Variants in SLC35F5 observed in about 807,000 individuals in gnomAD.
SLC35F5 encodes HCV NS5A-transactivated protein 3.
A neutral mutation model predicts 68.6 loss-of-function variants in SLC35F5; 54 were observed. That is an observed-to-expected ratio of 0.79 (90% confidence interval 0.63 to 0.99). The LOEUF (loss-of-function observed/expected upper bound fraction) is 0.99. Ranked by LOEUF, SLC35F5 falls within the 50% of genes least tolerant of loss-of-function variation. SLC35F5 has a pLI of 0.00. For missense variants in SLC35F5, 567 were observed against 626.9 expected (o/e 0.90, Z 1.02); for synonymous variants, 211 against 205.2 (o/e 1.03, Z -0.24).
intron 15 of SLC35F5, among the ~76,000 whole-genome samples, chr2:113,716,917 T>C (rs1687203922): frequency 6.6e-6 from 1 of 152,168 alleles, no homozygotes; most frequent in Non-Finnish European, 1.5e-5. Flanking sequence ...AAACTTAACC[T>C]TCAAGCCTAA....
rs140637631 is a variant in SLC35F5 at position 113,710,036 on chromosome 2, G to A, written c.*5182C>T. On this transcript the variant is annotated 3_prime_UTR_variant, in exon 16 of 16. Transcript: ENST00000245680. Reference sequence around the variant, plus strand: ...TTGCTGTATTGCCCAGCCTGATCTTGAACTCCTGGGCTCACGTGATCCTCC... The same window carrying A: ...TTGCTGTATTGCCCAGCCTGATCTTAAACTCCTGGGCTCACGTGATCCTCC... Among the ~76,000 whole-genome samples, 542 of 152,104 alleles carry A rather than the reference G, an allele frequency of 3.6e-3. 1 individual carries two copies. Among genetic ancestry groups the A allele is most frequent in the Non-Finnish European group, 5.4e-3 (365 of 67,986 alleles).
intron 13 of SLC35F5, among the ~76,000 whole-genome samples, chr2:113,722,218 G>A (rs1178792530): frequency 1.3e-5 from 2 of 151,902 alleles, no homozygotes; most frequent in African/African-American, 4.8e-5. Flanking sequence ...CAAGTGATCT[G>A]CCTGCCTCGG....
In SLC35F5 at chr2:113,737,347, C is replaced by T. The variant is rs547715899; in HGVS notation, c.751-1489G>A. 4.6e-5 allele frequency among the ~76,000 whole-genome samples: 7 copies of T among 152,286 alleles called. No individual in the cohort carries two copies. In the East Asian group the frequency reaches 7.7e-4, roughly 17 times the overall value. ...TAAAGCCAGAATGAAACTGTGGCAA[C>T]GTGGTTCTGATTCCATCTGCAATCC... On this transcript the variant is annotated intron_variant, in intron 7 of 15. Transcript: ENST00000245680.
intron 13 of SLC35F5, among the ~76,000 whole-genome samples, chr2:113,722,055 A>C (rs1437135393): frequency 1.4e-5 from 2 of 144,560 alleles, no homozygotes; most frequent in East Asian, 2.0e-4. Flanking sequence ...GCTCACTGCA[A>C]CCTCCGCCTC....
chr2:113,743,802 GT>G lies in SLC35F5; in HGVS notation c.481-9del. 1 of 1,581,288 alleles carries G rather than the reference GT, an allele frequency of 6.3e-7. No homozygotes were observed. Among genetic ancestry groups the G allele is most frequent in the Non-Finnish European group, 8.6e-7 (1 of 1,162,914 alleles). On this transcript the variant is annotated splice_polypyrimidine_tract_variant and intron_variant, in intron 5 of 15. Transcript: ENST00000245680. ...CACATACAGAGGTTCACTCTGGAAT[GT>G]AACAGAAAAAAATATAAACAACAAA...
chr2:113,729,087 A>G (rs1343361096), intron 11 of SLC35F5, among the ~76,000 whole-genome samples: 2 of 152,258 alleles, frequency 1.3e-5, no homozygotes, highest in Admixed American at 1.3e-4. Flanking sequence ...AAACTCTCAC[A>G]TGCTTGTAAG....
At chr2:113,725,675 T>C in intron 11 of SLC35F5, 138 bp from the exon 12 acceptor site, 1 of 733,878 alleles carries the variant, frequency 1.4e-6, no homozygotes, top group South Asian at 2.1e-5. Flanking sequence ...GTTGGTTTGT[T>C]TTTAAGTCAG....
chr2:113,719,179 T>C lies in SLC35F5; in HGVS notation c.1471A>G (p.Ile491Val). ...MVGIRRIFAFICRKHRIQRVP... is the reference protein window; with the variant it reads ...MVGIRRIFAFVCRKHRIQRVP... ...CTCTGAATTCGATGTTTTCTGCATATAAAAGCAAATATTCTTCTGATTCCC... is the reference window on the plus strand; with the variant it reads ...CTCTGAATTCGATGTTTTCTGCATACAAAAGCAAATATTCTTCTGATTCCC... The change falls in exon 14 of 16, where the codon ATA becomes GTA. Residue 491 changes from isoleucine to valine, a missense_variant. Physicochemically the swap from Ile to Val is conservative, Grantham distance 29. Transcript: ENST00000245680. 6.2e-7 allele frequency: 1 copy of C among 1,607,234 alleles called. No individual in the cohort carries two copies. The highest frequency in any genetic ancestry group is 8.5e-7 in the Non-Finnish European group (1 of 1,178,702).
intron 10 of SLC35F5, among the ~76,000 whole-genome samples, chr2:113,729,796 A>T (rs1687813506): frequency 6.6e-6 from 1 of 152,192 alleles, no homozygotes; most frequent in Non-Finnish European, 1.5e-5. Flanking sequence ...ATACAACTCC[A>T]AAGTAACACT....
intron 1 of SLC35F5, chr2:113,755,931 C>A: frequency 6.4e-7 from 1 of 1,550,466 alleles, no homozygotes; most frequent in Non-Finnish European, 8.7e-7. Context: ...TGTCCCTGAT[C>A]TGCTGGAGTG....
At position 113,706,818 on chromosome 2, in the gene SLC35F5, A is replaced by G. The variant is rs552685233; in HGVS notation, c.*8400T>C. On this transcript the variant is annotated 3_prime_UTR_variant, in exon 16 of 16. Coordinates refer to ENST00000245680, the MANE Select transcript of SLC35F5 (RefSeq NM_025181.5). ...GTACTTTTAATGAGCTAGAAAATGCATACTATAAATAGAATATACAAATGA... is the reference window on the plus strand; with the variant it reads ...GTACTTTTAATGAGCTAGAAAATGCGTACTATAAATAGAATATACAAATGA... Among the ~76,000 whole-genome samples, 2 of 152,366 alleles carry G rather than the reference A, an allele frequency of 1.3e-5. No individual in the cohort carries two copies. The highest frequency in any genetic ancestry group is 1.3e-4 in the Admixed American group (2 of 15,304).
intron 4 of SLC35F5, among the ~76,000 whole-genome samples, chr2:113,748,066 T>C (rs955334085): frequency 1.3e-5 from 2 of 152,194 alleles, no homozygotes; most frequent in Non-Finnish European, 2.9e-5. Flanking sequence ...CACTCTAGCC[T>C]GGACAAGAGA....
chr2:113,730,070 A>C (rs898704125), intron 10 of SLC35F5, among the ~76,000 whole-genome samples: 7 of 152,162 alleles, frequency 4.6e-5, no homozygotes, highest in African/African-American at 1.4e-4. Context: ...GACAATACTT[A>C]CTATTGTCAA....
At chr2:113,725,300 GCAAA>G in intron 12 of SLC35F5, 74 bp downstream of exon 12, 1 of 1,397,152 alleles carries the variant, frequency 7.2e-7, no homozygotes, top group South Asian at 1.3e-5. Context: ...AGGGCCACCA[GCAAA>G]CAGACAAATA....
chr2:113,718,925 G>GA (rs377141920), intron 14 of SLC35F5, among the ~76,000 whole-genome samples: 1 of 56,686 alleles, frequency 1.8e-5, no homozygotes, highest in African/African-American at 5.9e-5. Context: ...AAGAAAGAAA[G>GA]AAAAAGAAAG....
Position 113,756,616 on chromosome 2 carries a change from G to C in SLC35F5, c.-207C>G, listed in dbSNP as rs1677006260. The C allele has an allele frequency of 4.5e-6, 6 of 1,342,688 alleles. No individual in the cohort carries two copies. Among genetic ancestry groups the C allele is most frequent in the Non-Finnish European group, 5.8e-6 (6 of 1,029,936 alleles). The allele number at this position is 1,342,688 out of a possible 1,614,324, so 83.2% of individuals were successfully genotyped here. A position where few individuals can be genotyped will look rare whatever the true frequency, so the allele number is the denominator to read the frequency against. On this transcript the variant is annotated 5_prime_UTR_variant, in exon 1 of 16. Transcript: ENST00000245680. Reference sequence around the variant, plus strand: ...GTGAGGGGAAGGGACGGCACAGTCAGCTATGGCCGCGGAGGCCCGGAGATC... The same window carrying C: ...GTGAGGGGAAGGGACGGCACAGTCACCTATGGCCGCGGAGGCCCGGAGATC...
At position 113,707,398 on chromosome 2, in the gene SLC35F5, T is replaced by C. The variant is rs1465619541; in HGVS notation, c.*7820A>G. 1.3e-5 allele frequency among the ~76,000 whole-genome samples: 2 copies of C among 152,196 alleles called. No individual in the cohort carries two copies. Among genetic ancestry groups the C allele is most frequent in the Non-Finnish European group, 2.9e-5 (2 of 68,038 alleles). On this transcript the variant is annotated 3_prime_UTR_variant, in exon 16 of 16. Transcript: ENST00000245680. ...TGACACTAGATAACTTCAGCTTTAT[T>C]TGCCAAAGGGGATTTAGAATATACT...
intron 7 of SLC35F5, chr2:113,741,817 G>A (rs1386492337): frequency 6.6e-6 from 1 of 151,938 alleles, no homozygotes; most frequent in African/African-American, 2.4e-5. Context: ...ATAAAGAATA[G>A]TGTTATTAGT....
chr2:113,725,138 T>C (rs1040520550), intron 12 of SLC35F5, among the ~76,000 whole-genome samples: 2 of 152,274 alleles, frequency 1.3e-5, no homozygotes, highest in East Asian at 3.9e-4. Context: ...CCATTCATAT[T>C]CATTCTTTCA....
Sources: gnomAD v4.1 joint callset for allele counts (sites outside exome capture counted in the v4.1 genomes callset) on GRCh38, gnomAD v4.1.1 for gene constraint, MANE v1.5 for transcripts, NCBI Gene and HGNC (gene_info 2026-07-23, HGNC 2026-07-21) for gene names.